The following XPO5 variants were observed in gnomAD, a reference collection of about 807,000 sequenced individuals.
XPO5 encodes exportin 5, also known as exportin-5.
XPO5 carries 46 observed loss-of-function variants against 160.6 expected under a neutral mutation model. That is an observed-to-expected ratio of 0.29 (90% CI 0.23 to 0.37). XPO5 has a LOEUF of 0.37. Among genes scored for constraint, XPO5 ranks in the 10% least tolerant of loss-of-function variants. The pLI, the probability that XPO5 is intolerant of heterozygous loss-of-function variation, is 1.00. For synonymous variants in XPO5, 537 were observed against 519.3 expected, an observed-to-expected ratio of 1.03 and a Z score of -0.46; for missense variants, 1,090 against 1,463.9, an observed-to-expected ratio of 0.74 and a Z score of 4.17.
chr6:43,522,661 C>T lies in XPO5; in HGVS notation c.*1207G>A, dbSNP rs557107187. 127 of 466,486 alleles carry T rather than the reference C, an allele frequency of 2.7e-4. No individual in the cohort carries two copies. The highest frequency in any genetic ancestry group is 1.3e-3 in the Middle Eastern group (2 of 1,556). The allele number at this position is 466,486 out of a possible 1,614,324, so 28.9% of individuals were successfully genotyped here. A position where few individuals can be genotyped will look rare whatever the true frequency, so the allele number is the denominator to read the frequency against. On this transcript the variant is annotated 3_prime_UTR_variant, in exon 32 of 32. Transcript: ENST00000265351. ...TCTCAATCTGACCCTGCCTGTGGCC[C>T]GCACCAGCTAAAAACTGTAGCTTCA...
chr6:43,549,045 G>GA (rs1473848697), intron 17 of XPO5, among the ~76,000 whole-genome samples: 1 of 152,132 alleles, frequency 6.6e-6, no homozygotes, highest in East Asian at 1.9e-4. Context: ...AGTATACTAA[G>GA]AAAACACCAA....
chr6:43,567,246 T>C lies in XPO5; in HGVS notation c.757A>G (p.Ile253Val). The C allele has an allele frequency of 2.5e-6, 4 of 1,613,938 alleles. No homozygotes were observed. The highest frequency in any genetic ancestry group is 3.4e-6 in the Non-Finnish European group (4 of 1,179,860). ...TGTTCATTCAACAGCAAACACAGTA[T>C]CTCCAGGAGTTTACAGTTTTCAGCA... ...ITAENCKLLE[I>V]LCLLLNEQEL... Residue 253 changes from isoleucine (I) to valine (V), a missense_variant, in exon 7 of 32, where the codon ATA (isoleucine) becomes GTA (valine). Ile to Val is a conservative substitution (Grantham distance 29). Around this residue, in one of 3 missense-constraint regions of XPO5, gnomAD observed 110 missense variants for 97.9 expected, o/e 1.12. Coordinates refer to ENST00000265351, the MANE Select transcript of XPO5 (RefSeq NM_020750.3).
chr6:43,534,091 C>T, intron 20 of XPO5, 84 bp from the exon 21 acceptor site: 13 of 985,732 alleles, frequency 1.3e-5, no homozygotes, highest in South Asian at 5.2e-5. Flanking sequence ...AGTGATACTA[C>T]AGTTTCACAC....
At chr6:43,554,934 TTCAC>T (rs1761967994) in intron 13 of XPO5, 2 of 147,988 alleles carry the variant, frequency 1.4e-5, no homozygotes, top group South Asian at 2.1e-4. Context: ...CACTAGTTAA[TTCAC>T]TTTTTTTTTT....
intron 28 of XPO5, 29 bp from the exon 29 acceptor site, chr6:43,525,243 T>C (rs1793495482): frequency 1.9e-6 from 3 of 1,550,196 alleles, no homozygotes; most frequent in Non-Finnish European, 2.6e-6. Context: ...AGAGTTACAA[T>C]GGAAAAAGAA....
Position 43,555,941 on chromosome 6 carries a change from C to A in XPO5, c.1336G>T (p.Val446Leu). The A allele has an allele frequency of 6.2e-7, 1 of 1,613,926 alleles. No homozygotes were observed. The highest frequency in any genetic ancestry group is 8.5e-7 in the Non-Finnish European group (1 of 1,179,868). Residue 446 changes from valine (V) to leucine (L), a missense_variant, in exon 13 of 32, where the codon GTG becomes TTG. Physicochemically the swap from Val to Leu is conservative, Grantham distance 32. Around this residue, in one of 3 missense-constraint regions of XPO5, gnomAD observed 810 missense variants for 1,139.0 expected, o/e 0.71. Transcript: ENST00000265351. ...FNSSRAQQGEVMRLACRLDPK... is the reference protein window; with the variant it reads ...FNSSRAQQGELMRLACRLDPK... Reference sequence around the variant, plus strand: ...TCCAAACGACATGCCAACCTCATCACCTCTCCTTGTTGTGCTCGGGAGGCT... The same window carrying A: ...TCCAAACGACATGCCAACCTCATCAACTCTCCTTGTTGTGCTCGGGAGGCT...
At chr6:43,529,216 A>AACTCTCCTTCACG (rs1793789754) in intron 23 of XPO5, 1 of 1,414,782 alleles carries the variant, frequency 7.1e-7, no homozygotes, top group South Asian at 1.1e-5. Context: ...CCTTGTAACA[A>AACTCTCCTTCACG]ACTCTCCTTC....
rs749896921 is a variant in XPO5, at chr6:43,525,854, A to G, written c.3051T>C (p.Cys1017=). Residue 1017 remains cysteine, a synonymous_variant, in exon 28 of 32, where the codon TGT becomes TGC. Coordinates refer to ENST00000265351, the MANE Select transcript of XPO5 (RefSeq NM_020750.3). ...AMAELTDLGK[C]LMKHEDVCTA... ...TTCTACCCACCTCATGCTTCATCAGACATTTGCCCAGGTCTGTAAGCTCTG... is the reference window on the plus strand; with the variant it reads ...TTCTACCCACCTCATGCTTCATCAGGCATTTGCCCAGGTCTGTAAGCTCTG... The G allele has an allele frequency of 6.2e-7, 1 of 1,614,042 alleles. No individual in the cohort carries two copies. The highest frequency in any genetic ancestry group is 8.5e-7 in the Non-Finnish European group (1 of 1,179,896).
chr6:43,543,371 T>C (rs111598414), intron 20 of XPO5, among the ~76,000 whole-genome samples: 4,982 of 152,214 alleles, frequency 0.033, 262 homozygotes, highest in African/African-American at 0.11. Flanking sequence ...GAGGACTGCT[T>C]GAGCCCATGA....
chr6:43,532,846 C>T (rs1168884388), intron 21 of XPO5, among the ~76,000 whole-genome samples: 1 of 152,160 alleles, frequency 6.6e-6, no homozygotes, highest in Non-Finnish European at 1.5e-5. Flanking sequence ...AGTATCCTAA[C>T]AAGGTCACAA....
In XPO5 at chr6:43,567,241, C is replaced by T. The variant is rs1762741884; in HGVS notation, c.762G>A (p.Leu254=). The change falls in exon 7 of 32, where the codon CTG becomes CTA. Residue 254 remains leucine, a synonymous_variant. Transcript: ENST00000265351. Reference sequence around the variant, plus strand: ...GTTCCTGTTCATTCAACAGCAAACACAGTATCTCCAGGAGTTTACAGTTTT... The same window carrying T: ...GTTCCTGTTCATTCAACAGCAAACATAGTATCTCCAGGAGTTTACAGTTTT... ...TAENCKLLEI[L]CLLLNEQELQ... is the part of the protein sequence containing the mutation. The T allele has an allele frequency of 1.2e-6, 2 of 1,613,892 alleles. No individual in the cohort carries two copies. Among genetic ancestry groups the T allele is most frequent in the South Asian group, 2.2e-5 (2 of 91,080 alleles).
chr6:43,541,372 T>TATTGAC (rs1794680912), intron 20 of XPO5, among the ~76,000 whole-genome samples: 4 of 152,228 alleles, frequency 2.6e-5, no homozygotes, highest in Non-Finnish European at 5.9e-5. Flanking sequence ...ACATCTTATG[T>TATTGAC]ACCCCATAAA....
intron 20 of XPO5, chr6:43,544,010 A>G (rs1033655586): frequency 1.3e-5 from 2 of 152,402 alleles, no homozygotes; most frequent in African/African-American, 2.4e-5. Flanking sequence ...AACTCTTAAT[A>G]GCTCCAGCTA....
chr6:43,571,070 G>A (rs181388116), intron 3 of XPO5, 76 bp from the exon 4 acceptor site: 43 of 1,486,388 alleles, frequency 2.9e-5, no homozygotes, highest in Non-Finnish European at 2.2e-5. Flanking sequence ...GGGCTGTAGA[G>A]TTGTAAAAAA....
intron 20 of XPO5, among the ~76,000 whole-genome samples, chr6:43,538,201 G>A (rs1163205608): frequency 8.3e-6 from 1 of 120,360 alleles, no homozygotes; most frequent in Admixed American, 1.1e-4. Flanking sequence ...TCAGGCTGGA[G>A]TACAATGGCG....
chr6:43,533,865 GGATAAGATAAACCTTAGGAGAAA>G lies in XPO5; in HGVS notation c.2443+19_2443+41del. The G allele has an allele frequency of 2.7e-6, 4 of 1,459,242 alleles. No individual in the cohort carries two copies. The highest frequency in any genetic ancestry group is 3.8e-6 in the Non-Finnish European group (4 of 1,059,488). 90.4% of individuals were successfully genotyped at this position (1,459,242 alleles called of 1,614,324 possible). On this transcript the variant is annotated intron_variant, in intron 21 of 31. Transcript: ENST00000265351. ...AACAAAAAAAGGGGACATCCATTAG[GGATAAGATAAACCTTAGGAGAAA>G]AAAGGTTACATTTCTTACCTAATAT...
intron 18 of XPO5, 77 bp from the exon 19 acceptor site, chr6:43,547,784 C>T: frequency 7.5e-7 from 1 of 1,326,222 alleles, no homozygotes; most frequent in East Asian, 2.3e-5. Flanking sequence ...AGTTAACAGG[C>T]TATCATTATT....
rs527246180 is a variant in XPO5, at chr6:43,530,866, A to G, written c.2541-42T>C. 12 of 1,588,648 alleles carry G rather than the reference A, an allele frequency of 7.6e-6. No homozygotes were observed. In the East Asian group the frequency reaches 1.1e-4, roughly 15 times the overall value. The stretch of plus-strand genomic sequence containing the variant: ...AAGAGCATTGAAAATGACAAATCCA[A>G]CATCTGTTACTGCCAGCCCTGTCCC... On this transcript the variant is annotated intron_variant, in intron 22 of 31. Coordinates refer to ENST00000265351, the MANE Select transcript of XPO5 (RefSeq NM_020750.3).
At chr6:43,575,202 G>A (rs9283911) in intron 1 of XPO5, among the ~76,000 whole-genome samples, 2,799 of 152,310 alleles carry the variant, frequency 0.018, 103 homozygotes, top group African/African-American at 0.063. Context: ...AAAAACATGG[G>A]AGAAGTAGGG....
Sources: allele counts gnomAD v4.1 joint callset (sites outside exome capture counted in the v4.1 genomes callset), GRCh38; gene constraint gnomAD v4.1.1; regional missense constraint gnomAD v4.1.1; transcripts MANE v1.5; gene names NCBI Gene and HGNC (gene_info 2026-07-23, HGNC 2026-07-21).